The following MPP4 variants were observed in gnomAD, a reference collection of about 807,000 sequenced individuals.
MPP4 encodes MAGUK p55 subfamily member 4.
A neutral mutation model predicts 98.3 loss-of-function variants in MPP4; 91 were observed. The ratio of observed to expected loss-of-function variants is 0.93; its 90% CI spans 0.78 to 1.10. The LOEUF (loss-of-function observed/expected upper bound fraction) is 1.10. MPP4 is among the 50% of genes least tolerant of loss of function. The pLI, the probability that MPP4 is intolerant of heterozygous loss-of-function variation, is 0.00. For missense variants in MPP4, 744 were observed against 792.9 expected (o/e 0.94, Z 0.74); for synonymous variants, 261 against 271.8 (o/e 0.96, Z 0.39).
At chr2:201,669,029 G>A (rs1226989192) in intron 12 of MPP4, among the ~76,000 whole-genome samples, 1 of 151,728 alleles carries the variant, frequency 6.6e-6, no homozygotes, top group Non-Finnish European at 1.5e-5. Flanking sequence ...ATGAACTGTG[G>A]TTGGTGGCTA....
Position 201,649,667 on chromosome 2 carries a change from T to C in MPP4, c.1493A>G (p.Glu498Gly). The C allele has an allele frequency of 1.2e-6, 2 of 1,609,916 alleles. No homozygotes were observed. Among genetic ancestry groups the C allele is most frequent in the Non-Finnish European group, 1.7e-6 (2 of 1,178,030 alleles). ...IYSHRMLEYGEYKGHLYGTSV... is the reference protein window; with the variant it reads ...IYSHRMLEYGGYKGHLYGTSV... ...AGTGCCATACAGGTGGCCTTTGTAC[T>C]CACCATACTCCAGCATCCTGCAAGA... The change falls in exon 20 of 22, where the codon GAG becomes GGG. Residue 498 changes from glutamate (E) to glycine (G), a missense_variant. Glu to Gly is a moderately conservative substitution (Grantham distance 98). Transcript: ENST00000409474.
chr2:201,697,649 A>G (rs1442517537), intron 1 of MPP4, among the ~76,000 whole-genome samples: 1 of 152,150 alleles, frequency 6.6e-6, no homozygotes, highest in Non-Finnish European at 1.5e-5. Context: ...CTTCAATCCT[A>G]ATGGGGGAGG....
chr2:201,653,375 C>G (rs1687770132), intron 18 of MPP4, among the ~76,000 whole-genome samples: 2 of 152,074 alleles, frequency 1.3e-5, no homozygotes, highest in South Asian at 2.1e-4. Flanking sequence ...GAGGGGGAAG[C>G]AAGCACACCC....
chr2:201,668,438 ATCTC>A (rs960929368), intron 12 of MPP4, among the ~76,000 whole-genome samples: 1 of 146,038 alleles, frequency 6.8e-6, no homozygotes, highest in African/African-American at 2.7e-5. Context: ...AGATCAATCG[ATCTC>A]TCTCTCTTTC....
intron 13 of MPP4, among the ~76,000 whole-genome samples, chr2:201,664,712 C>A (rs1293261949): frequency 6.6e-6 from 1 of 152,200 alleles, no homozygotes; most frequent in Non-Finnish European, 1.5e-5. Flanking sequence ...ATTACCAATG[C>A]ATGCGTCCTT....
intron 14 of MPP4, chr2:201,661,304 A>G: frequency 2.4e-6 from 1 of 410,886 alleles, no homozygotes. Context: ...AGGAAGTCAT[A>G]CTATACTTTA....
rs1453119031 is a variant in MPP4, at chr2:201,664,075, A to G, written c.1072+6T>C. ...AATCAGTACCAAATACTCATTTTTT[A>G]CTTACCAGATTCAAATGTTTCTTCA... On this transcript the variant is annotated splice_donor_region_variant and intron_variant, in intron 14 of 21. Transcript: ENST00000409474. 7 of 1,514,130 alleles carry G rather than the reference A, an allele frequency of 4.6e-6. No homozygotes were observed. Among genetic ancestry groups the G allele is most frequent in the Admixed American group, 2.1e-5 (1 of 48,674 alleles). The allele number at this position is 1,514,130 out of a possible 1,614,324, so 93.8% of individuals were successfully genotyped here.
At chr2:201,645,442 T>C (rs192545398) in intron 21 of MPP4, 38 bp from the exon 22 acceptor site, 16,114 of 1,505,188 alleles carry the variant, frequency 0.011, 110 homozygotes, top group Non-Finnish European at 0.014. Flanking sequence ...AGTACAGACT[T>C]AATTGGACAA....
rs750420844 is a variant in MPP4, at chr2:201,675,066, C to T, written c.994+141G>A. 21 of 1,000,790 alleles carry T rather than the reference C, an allele frequency of 2.1e-5. No individual in the cohort carries two copies. The South Asian group carries it at 2.9e-4, about 14-fold the overall frequency. 62.0% of individuals were successfully genotyped at this position (1,000,790 alleles called of 1,614,324 possible). On this transcript the variant is annotated intron_variant, in intron 11 of 21. Coordinates refer to ENST00000409474, the MANE Select transcript of MPP4 (RefSeq NM_033066.3). ...TTTGAAAAACCCCTAATCTAGGGCC[C>T]TTCAAGGAGATTGATTTAAATAACA...
At chr2:201,658,097 A>G (rs913571546) in intron 16 of MPP4, among the ~76,000 whole-genome samples, 9 of 151,898 alleles carry the variant, frequency 5.9e-5, no homozygotes, top group Non-Finnish European at 1.3e-4. Context: ...GCGGTTTTAC[A>G]TGAGTGGTAC....
rs531561811 is a variant in MPP4, at chr2:201,645,022, A to T, written c.*188T>A. The T allele has an allele frequency of 4.7e-6, 2 of 428,634 alleles. No homozygotes were observed. Among genetic ancestry groups the T allele is most frequent in the East Asian group, 3.6e-5 (1 of 27,608 alleles). The allele number at this position is 428,634 out of a possible 1,614,324, so 26.6% of individuals were successfully genotyped here. On this transcript the variant is annotated 3_prime_UTR_variant, in exon 22 of 22. Transcript: ENST00000409474. ...CTGCATATGAGGTAAAGGAAAAAAA[A>T]TTAAGTTAAAATAGGTAACCACATA...
At chr2:201,675,130 T>G in intron 11 of MPP4, 77 bp downstream of exon 11, 1 of 1,447,368 alleles carries the variant, frequency 6.9e-7, no homozygotes, top group Non-Finnish European at 9.5e-7. Flanking sequence ...CTCACATCAA[T>G]TAGACTCTTT....
intron 16 of MPP4, 100 bp downstream of exon 16, chr2:201,658,377 G>T: frequency 3.1e-6 from 3 of 968,392 alleles, no homozygotes; most frequent in Non-Finnish European, 4.8e-6. Flanking sequence ...AACAGGTCTG[G>T]AAATGTTCAT....
chr2:201,646,243 TA>T, intron 21 of MPP4, among the ~76,000 whole-genome samples: 1 of 152,172 alleles, frequency 6.6e-6, no homozygotes, highest in African/African-American at 2.4e-5. Flanking sequence ...AATTTAAACA[TA>T]AATTTCAAGT....
intron 6 of MPP4, 98 bp downstream of exon 6, chr2:201,685,821 G>T (rs994241612): frequency 2.0e-5 from 28 of 1,430,458 alleles, no homozygotes; most frequent in Middle Eastern, 3.8e-4. Flanking sequence ...ATATGTGATC[G>T]CAGGCAAGGC....
At chr2:201,665,599 G>A (rs1274277453) in intron 13 of MPP4, 1 of 152,168 alleles carries the variant, frequency 6.6e-6, no homozygotes, top group South Asian at 2.1e-4. Context: ...TTAAAAAAAT[G>A]TATACTTGGT....
chr2:201,661,953 G>A (rs1688040732), intron 14 of MPP4: 2 of 303,666 alleles, frequency 6.6e-6, no homozygotes, highest in South Asian at 3.3e-5. Flanking sequence ...AAGCCAAATG[G>A]GCAAGTATAA....
chr2:201,694,608 C>CTTTTTTTTTTTTTTTTTTTTTTTT lies in MPP4; in HGVS notation c.-100-578_-100-555dup, dbSNP rs777556505. ...AGAGTCTGGACAGTTTTCTTTTTCC[C>CTTTTTTTTTTTTTTTTTTTTTTTT]TTTTTTTTTTTTTTTTTTTTTTTTT... On this transcript the variant is annotated intron_variant, in intron 1 of 21. Transcript: ENST00000409474. Among the ~76,000 whole-genome samples the CTTTTTTTTTTTTTTTTTTTTTTTT allele has an allele frequency of 2.5e-5, 2 of 78,870 alleles. 1 individual carries two copies. Among genetic ancestry groups the CTTTTTTTTTTTTTTTTTTTTTTTT allele is most frequent in the Admixed American group, 4.1e-4 (2 of 4,932 alleles). The allele number at this position is 78,870 out of a possible 152,430, so 51.7% of individuals were successfully genotyped here.
chr2:201,669,840 G>C, intron 11 of MPP4, 90 bp from the exon 12 acceptor site: 1 of 1,035,780 alleles, frequency 9.7e-7, no homozygotes, highest in Admixed American at 4.1e-5. Context: ...AATAAGAAAT[G>C]TAATGTGCAA....
Sources: allele counts gnomAD v4.1 joint callset (sites outside exome capture counted in the v4.1 genomes callset), GRCh38; gene constraint gnomAD v4.1.1; transcripts MANE v1.5; gene names NCBI Gene and HGNC (gene_info 2026-07-23, HGNC 2026-07-21).